CDH18: variants seen among roughly 807,000 people sequenced by gnomAD.
The protein encoded by CDH18 is cadherin-18.
In CDH18, 31 loss-of-function variants were observed where a neutral mutation model predicts 67.9. The ratio of observed to expected loss-of-function variants is 0.46; its 90% CI spans 0.34 to 0.62. CDH18 has a LOEUF of 0.62. CDH18 is among the 20% of genes least tolerant of loss of function. CDH18 has a pLI of 0.01. For missense variants in CDH18, 890 were observed against 975.5 expected (o/e 0.91, Z 1.17); for synonymous variants, 362 against 347.2 (o/e 1.04, Z -0.48).
chr5:19,945,812 T>A (rs967703106), intron 2 of CDH18, among the ~76,000 whole-genome samples: 5 of 151,858 alleles, frequency 3.3e-5, no homozygotes, highest in African/African-American at 1.2e-4. Context: ...AAAAATTTGG[T>A]CAACACAGAA....
At chr5:20,373,300 T>TTCTTAAGTCCCTA (rs1390922453) in intron 1 of CDH18, among the ~76,000 whole-genome samples, 2 of 152,122 alleles carry the variant, frequency 1.3e-5, no homozygotes, top group Non-Finnish European at 2.9e-5. Context: ...ACAGCAATCT[T>TTCTTAAGTCCCTA]TCTTAAGTCC....
intron 2 of CDH18, among the ~76,000 whole-genome samples, chr5:20,078,708 T>A (rs1312272955): frequency 3.3e-5 from 5 of 151,758 alleles, no homozygotes. Context: ...GTTCAAGCGA[T>A]TTTCCTGCCT....
chr5:20,155,205 TTC>T (rs899812393), intron 2 of CDH18, among the ~76,000 whole-genome samples: 11 of 152,278 alleles, frequency 7.2e-5, no homozygotes, highest in Non-Finnish European at 1.6e-4. Context: ...ACTAGTATTT[TTC>T]TGTTTCTGAA....
At chr5:19,685,786 C>G (rs1290431131) in intron 5 of CDH18, among the ~76,000 whole-genome samples, 1 of 152,166 alleles carries the variant, frequency 6.6e-6, no homozygotes, top group Non-Finnish European at 1.5e-5. Flanking sequence ...TAAGTTCCAT[C>G]TTTTTGAAGA....
intron 2 of CDH18, among the ~76,000 whole-genome samples, chr5:19,994,278 T>C (rs1800153423): frequency 6.6e-6 from 1 of 151,290 alleles, no homozygotes; most frequent in Admixed American, 6.6e-5. Flanking sequence ...TGTATACATA[T>C]ATACACATAT....
chr5:19,915,119 T>C (rs533344351), intron 2 of CDH18, among the ~76,000 whole-genome samples: 1 of 152,268 alleles, frequency 6.6e-6, no homozygotes, highest in East Asian at 1.9e-4. Context: ...TTAAGAAATA[T>C]ATTAAAAATG....
chr5:20,112,389 T>C (rs1747552948), intron 2 of CDH18, among the ~76,000 whole-genome samples: 1 of 152,196 alleles, frequency 6.6e-6, no homozygotes, highest in Non-Finnish European at 1.5e-5. Flanking sequence ...CACAGTAAAA[T>C]TCAGACTCAT....
intron 8 of CDH18, among the ~76,000 whole-genome samples, chr5:19,559,309 C>CA: frequency 6.6e-6 from 1 of 152,048 alleles, no homozygotes; most frequent in East Asian, 1.9e-4. Flanking sequence ...GACAGCATAT[C>CA]AAAAAGATAA....
At chr5:19,568,240 C>A (rs184404603) in intron 8 of CDH18, among the ~76,000 whole-genome samples, 3 of 152,108 alleles carry the variant, frequency 2.0e-5, no homozygotes, top group Non-Finnish European at 4.4e-5. Context: ...TGCTTTTATC[C>A]CCCTCCCCCA....
chr5:19,951,827 T>C (rs551336585), intron 2 of CDH18, among the ~76,000 whole-genome samples: 8 of 152,230 alleles, frequency 5.3e-5, no homozygotes, highest in Admixed American at 1.3e-4. Flanking sequence ...CACTTAGGGG[T>C]ATCCAGATGG....
At chr5:20,010,261 G>C (rs1737306682) in intron 2 of CDH18, among the ~76,000 whole-genome samples, 2 of 149,450 alleles carry the variant, frequency 1.3e-5, no homozygotes, top group African/African-American at 4.9e-5. Flanking sequence ...TAATTTTTTT[G>C]AGACAGAGTC....
chr5:20,575,527 T>C (rs1179214949), exon 1 of CDH18: 1 of 152,172 alleles, frequency 6.6e-6, no homozygotes, highest in Non-Finnish European at 1.5e-5. Flanking sequence ...GACTTGATTT[T>C]TGTTTTCTTT....
chr5:19,509,647 C>G (rs916101662), intron 10 of CDH18, among the ~76,000 whole-genome samples: 2 of 152,006 alleles, frequency 1.3e-5, no homozygotes, highest in Non-Finnish European at 2.9e-5. Flanking sequence ...GTGGTGGAAG[C>G]AGAGAATGTT....
intron 2 of CDH18, among the ~76,000 whole-genome samples, chr5:19,914,081 T>G (rs1008163349): frequency 2.0e-5 from 3 of 152,086 alleles, no homozygotes; most frequent in Non-Finnish European, 4.4e-5. Flanking sequence ...CTAAAATAGC[T>G]TAGGCATCTA....
intron 1 of CDH18, among the ~76,000 whole-genome samples, chr5:20,310,237 T>C (rs1736867462): frequency 6.6e-6 from 1 of 152,320 alleles, no homozygotes; most frequent in East Asian, 1.9e-4. Flanking sequence ...AAATGACTTA[T>C]TTCTAAAAAC....
intron 2 of CDH18, among the ~76,000 whole-genome samples, chr5:19,994,895 T>C (rs1345309462): frequency 1.6e-5 from 2 of 127,264 alleles, no homozygotes; most frequent in Non-Finnish European, 3.3e-5. Context: ...AAAAGATATA[T>C]AGAGAAAAAG....
chr5:20,169,283 T>TAAAAATA (rs998660360), intron 2 of CDH18, among the ~76,000 whole-genome samples: 1 of 151,910 alleles, frequency 6.6e-6, no homozygotes, highest in African/African-American at 2.4e-5. Context: ...CCACCAATAT[T>TAAAAATA]AAAAATAAAA....
At chr5:19,689,499 CT>C (rs1439728650) in intron 5 of CDH18, among the ~76,000 whole-genome samples, 9 of 151,994 alleles carry the variant, frequency 5.9e-5, no homozygotes, top group African/African-American at 2.2e-4. Flanking sequence ...GAATTTATAA[CT>C]ATTAGATCAT....
chr5:19,682,109 G>A (rs1360207185), intron 5 of CDH18, among the ~76,000 whole-genome samples: 2 of 151,938 alleles, frequency 1.3e-5, no homozygotes, highest in East Asian at 1.9e-4. Context: ...CTTTATTTAA[G>A]CCTTTATTTA....
Sources: allele counts gnomAD v4.1 joint callset (sites outside exome capture counted in the v4.1 genomes callset), GRCh38; gene constraint gnomAD v4.1.1; transcripts MANE v1.5; gene names NCBI Gene and HGNC (gene_info 2026-07-23, HGNC 2026-07-21).